CIMIP7: variants seen among roughly 807,000 people sequenced by gnomAD.
The protein encoded by CIMIP7 is ciliary microtubule inner protein 7.
the CIMIP7 span, among the ~76,000 whole-genome samples, chr3:49,186,497 G>A: frequency 1.3e-4 from 19 of 151,446 alleles, 2 homozygotes; most frequent in Admixed American, 1.1e-3. Flanking sequence ...TCCGCCTCCC[G>A]GGTTCACACC....
At chr3:49,178,085 C>G in the CIMIP7 span, 2 of 1,535,382 alleles carry the variant, frequency 1.3e-6, no homozygotes, top group African/African-American at 1.4e-5. Context: ...GGCCCACATT[C>G]CTGGCACCAA....
the CIMIP7 span, among the ~76,000 whole-genome samples, chr3:49,191,510 G>C: frequency 6.6e-6 from 1 of 152,184 alleles, no homozygotes; most frequent in Non-Finnish European, 1.5e-5. Flanking sequence ...TAGAGGACTA[G>C]GAATTTCCAC....
At chr3:49,181,330 ACT>A in the CIMIP7 span, among the ~76,000 whole-genome samples, 26 of 127,030 alleles carry the variant, frequency 2.0e-4, no homozygotes, top group Non-Finnish European at 3.4e-4. Context: ...CAACAGAGAG[ACT>A]CTATCTCCAA....
At chr3:49,177,723 G>A in the CIMIP7 span, 2 of 1,609,892 alleles carry the variant, frequency 1.2e-6, no homozygotes, top group Non-Finnish European at 8.5e-7. Flanking sequence ...TGGGTCTTGG[G>A]ATCCCTGGGA....
chr3:49,177,645 C>T, the CIMIP7 span: 2 of 1,579,658 alleles, frequency 1.3e-6, no homozygotes, highest in Non-Finnish European at 1.7e-6. Flanking sequence ...GTCAGCTGTC[C>T]TTGTTTAATG....
chr3:49,190,605 C>T, the CIMIP7 span, among the ~76,000 whole-genome samples: 1 of 151,526 alleles, frequency 6.6e-6, no homozygotes, highest in Non-Finnish European at 1.5e-5. Context: ...AAGTCATTCT[C>T]CTGCCTCAGC....
the CIMIP7 span, chr3:49,189,852 C>T: frequency 1.3e-6 from 1 of 750,504 alleles, no homozygotes; most frequent in Non-Finnish European, 2.5e-6. Flanking sequence ...GGCACTCACT[C>T]TTTTCCACCC....
chr3:49,180,137 G>C, the CIMIP7 span, among the ~76,000 whole-genome samples: 1 of 152,196 alleles, frequency 6.6e-6, no homozygotes. Context: ...TTAGCTGGGT[G>C]TGATGGTGTT....
chr3:49,182,661 C>T, the CIMIP7 span, among the ~76,000 whole-genome samples: 2 of 152,210 alleles, frequency 1.3e-5, no homozygotes, highest in Non-Finnish European at 2.9e-5. Flanking sequence ...GCGCCGTGTG[C>T]CCACACTTCT....
chr3:49,177,901 C>T, the CIMIP7 span: 1 of 1,613,854 alleles, frequency 6.2e-7, no homozygotes, highest in Non-Finnish European at 8.5e-7. Context: ...GAGTCCTGGG[C>T]CTGGCCTGAA....
the CIMIP7 span, among the ~76,000 whole-genome samples, chr3:49,180,749 T>C: frequency 2.6e-5 from 4 of 151,428 alleles, no homozygotes; most frequent in Middle Eastern, 3.4e-3. Context: ...GCTATCATGG[T>C]GAAACCCCGT....
chr3:49,186,698 C>A, the CIMIP7 span, among the ~76,000 whole-genome samples: 3 of 152,206 alleles, frequency 2.0e-5, no homozygotes, highest in Non-Finnish European at 4.4e-5. Context: ...CCACCGCACC[C>A]AGCCTATAGC....
the CIMIP7 span, among the ~76,000 whole-genome samples, chr3:49,184,228 G>A: frequency 6.6e-6 from 1 of 152,196 alleles, no homozygotes; most frequent in African/African-American, 2.4e-5. Context: ...TGAACTCTTG[G>A]GCTCAAGCAA....
chr3:49,189,982 A>G, the CIMIP7 span: 2 of 1,446,160 alleles, frequency 1.4e-6, no homozygotes, highest in Admixed American at 3.3e-5. Flanking sequence ...GAGAGGCAAG[A>G]ACTGGTCTAG....
the CIMIP7 span, among the ~76,000 whole-genome samples, chr3:49,180,856 G>C: frequency 6.6e-6 from 1 of 150,796 alleles, no homozygotes; most frequent in Non-Finnish European, 1.5e-5. Flanking sequence ...CGTGAACCCG[G>C]GAGGTGGAGC....
chr3:49,184,690 G>A, the CIMIP7 span, among the ~76,000 whole-genome samples: 3 of 149,194 alleles, frequency 2.0e-5, no homozygotes, highest in South Asian at 2.1e-4. Flanking sequence ...GTGCAGTGGC[G>A]TGATCTCAGC....
the CIMIP7 span, among the ~76,000 whole-genome samples, chr3:49,185,372 C>G: frequency 6.6e-6 from 1 of 151,436 alleles, no homozygotes; most frequent in East Asian, 2.0e-4. Context: ...TGAGACCAAC[C>G]AGGGAAATAT....
At chr3:49,177,850 T>G in the CIMIP7 span, 1 of 1,613,374 alleles carries the variant, frequency 6.2e-7, no homozygotes, top group Non-Finnish European at 8.5e-7. Flanking sequence ...ATGGGAAGGC[T>G]GGACCTGCAC....
chr3:49,180,972 C>T, the CIMIP7 span, among the ~76,000 whole-genome samples: 1 of 150,376 alleles, frequency 6.6e-6, no homozygotes, highest in Non-Finnish European at 1.5e-5. Flanking sequence ...TTTAGAACCG[C>T]CTGCCTTAGA....
Sources: allele counts gnomAD v4.1 joint callset (sites outside exome capture counted in the v4.1 genomes callset), GRCh38; gene constraint gnomAD v4.1.1; transcripts MANE v1.5; gene names NCBI Gene and HGNC (gene_info 2026-07-23, HGNC 2026-07-21).